Variants in CCDC178 observed in about 807,000 individuals in gnomAD.
CCDC178 encodes coiled-coil domain containing 178.
In CCDC178, 126 loss-of-function variants were observed where a neutral mutation model predicts 117.4. That is an observed-to-expected ratio of 1.07 (90% confidence interval 0.93 to 1.24). The LOEUF is 1.24. CCDC178 is among the 50% of genes most tolerant of loss of function. The pLI is 0.00. For synonymous variants in CCDC178, 283 were observed against 313.4 expected (o/e 0.90, Z 1.02); for missense variants, 1,030 against 986.9 (o/e 1.04, Z -0.59).
At chr18:33,390,606 T>A (rs947696217) in intron 4 of CCDC178, among the ~76,000 whole-genome samples, 7 of 152,018 alleles carry the variant, frequency 4.6e-5, no homozygotes, top group African/African-American at 1.4e-4. Flanking sequence ...TAATTTCATT[T>A]TTACAAGGTC....
At chr18:33,218,144 T>G (rs1171169268) in intron 18 of CCDC178, among the ~76,000 whole-genome samples, 1 of 152,060 alleles carries the variant, frequency 6.6e-6, no homozygotes, top group Non-Finnish European at 1.5e-5. Flanking sequence ...CTCTCTCTCA[T>G]GGCCCACATG....
chr18:33,267,203 G>A lies in CCDC178; in HGVS notation c.1271C>T (p.Ala424Val). 7 of 1,588,454 alleles carry A rather than the reference G, an allele frequency of 4.4e-6. No individual in the cohort carries two copies. The highest frequency in any genetic ancestry group is 6.0e-6 in the Non-Finnish European group (7 of 1,171,860). ...GGAAGTAGGAAAAAATCAACTTACTGCAGCATAAAAATCATTAACTGCTTC... is the reference window on the plus strand; with the variant it reads ...GGAAGTAGGAAAAAATCAACTTACTACAGCATAAAAATCATTAACTGCTTC... Reference protein sequence around the residue: ...YLEAVNDFYAAKKTWDIELSD... With the variant: ...YLEAVNDFYAVKKTWDIELSD... Residue 424 changes from alanine (A) to valine (V), a missense_variant and splice_region_variant, in exon 13 of 23, where the codon GCA (alanine) becomes GTA (valine). Coordinates refer to ENST00000383096, the MANE Select transcript of CCDC178 (RefSeq NM_001105528.4).
intron 11 of CCDC178, among the ~76,000 whole-genome samples, chr18:33,294,801 T>C (rs146325671): frequency 1.3e-5 from 2 of 152,316 alleles, no homozygotes; most frequent in East Asian, 1.9e-4. Flanking sequence ...GTCCAGAGAA[T>C]ACACTATGGA....
intron 2 of CCDC178, among the ~76,000 whole-genome samples, chr18:33,426,899 A>G (rs534091758): frequency 9.2e-5 from 14 of 152,268 alleles, no homozygotes; most frequent in African/African-American, 3.1e-4. Context: ...TGAGATCTTG[A>G]AAATCAAAGT....
chr18:33,029,365 C>T (rs1266827244), intron 21 of CCDC178, among the ~76,000 whole-genome samples: 1 of 151,864 alleles, frequency 6.6e-6, no homozygotes, highest in African/African-American at 2.4e-5. Flanking sequence ...AATATCACAT[C>T]TTTCATTCTT....
At chr18:33,343,079 AT>A (rs1474265086) in intron 9 of CCDC178, among the ~76,000 whole-genome samples, 2 of 152,166 alleles carry the variant, frequency 1.3e-5, no homozygotes, top group Non-Finnish European at 2.9e-5. Flanking sequence ...TCTACATACT[AT>A]TCAAATTCAT....
chr18:33,392,423 G>A (rs970621520), intron 4 of CCDC178, among the ~76,000 whole-genome samples: 2 of 152,070 alleles, frequency 1.3e-5, no homozygotes, highest in Admixed American at 6.6e-5. Context: ...ATCTTCAAAC[G>A]GATGTTCCCA....
chr18:33,161,974 G>T (rs1252656910), intron 20 of CCDC178, among the ~76,000 whole-genome samples: 1 of 152,176 alleles, frequency 6.6e-6, no homozygotes, highest in East Asian at 1.9e-4. Context: ...TCTAGTTCTA[G>T]ATCCCTGGGG....
At chr18:33,301,853 T>G (rs2062181471) in intron 11 of CCDC178, among the ~76,000 whole-genome samples, 1 of 152,190 alleles carries the variant, frequency 6.6e-6, no homozygotes, top group Non-Finnish European at 1.5e-5. Flanking sequence ...GACTTAGGAC[T>G]TTGGACTTGA....
intron 1 of CCDC178, 68 bp from the exon 2 acceptor site, chr18:33,440,149 A>T (rs531309750): frequency 1.3e-4 from 20 of 152,206 alleles, no homozygotes; most frequent in Non-Finnish European, 2.8e-4. Context: ...GAGCCACCAC[A>T]AGGCGGCCTT....
At chr18:33,127,017 C>T (rs28430526) in intron 20 of CCDC178, among the ~76,000 whole-genome samples, 14,745 of 130,048 alleles carry the variant, frequency 0.11, 1,035 homozygotes, top group African/African-American at 0.23. Flanking sequence ...TATATATATA[C>T]ACACACACAC....
chr18:33,278,206 T>A (rs2059974116), intron 12 of CCDC178, among the ~76,000 whole-genome samples: 1 of 150,380 alleles, frequency 6.6e-6, no homozygotes, highest in Admixed American at 6.7e-5. Context: ...AAATCATGAC[T>A]TTCCAATGAT....
intron 20 of CCDC178, among the ~76,000 whole-genome samples, chr18:33,149,314 G>A (rs1193958999): frequency 4.6e-5 from 7 of 152,218 alleles, no homozygotes; most frequent in Non-Finnish European, 7.3e-5. Flanking sequence ...TTTTAGCAGT[G>A]AGGAGATTAA....
chr18:33,189,871 T>C (rs1043509513), intron 20 of CCDC178, among the ~76,000 whole-genome samples: 1 of 152,130 alleles, frequency 6.6e-6, no homozygotes, highest in African/African-American at 2.4e-5. Flanking sequence ...TTGCATGCAA[T>C]TTTGAAAGCA....
chr18:33,043,681 ACT>A (rs1157042018), intron 21 of CCDC178, among the ~76,000 whole-genome samples: 1 of 151,972 alleles, frequency 6.6e-6, no homozygotes, highest in African/African-American at 2.4e-5. Flanking sequence ...GCTCCAAGAC[ACT>A]CTCATTTTAC....
At chr18:33,160,249 A>G (rs1471947723) in intron 20 of CCDC178, among the ~76,000 whole-genome samples, 1 of 152,126 alleles carries the variant, frequency 6.6e-6, no homozygotes, top group African/African-American at 2.4e-5. Context: ...ATCTTCTACG[A>G]CAGTCTTGGT....
At chr18:33,013,102 T>C (rs1222320668) in intron 21 of CCDC178, among the ~76,000 whole-genome samples, 3 of 152,194 alleles carry the variant, frequency 2.0e-5, no homozygotes, top group African/African-American at 7.2e-5. Flanking sequence ...ATTTCACTTA[T>C]AATCTCCTAA....
intron 14 of CCDC178, among the ~76,000 whole-genome samples, chr18:33,259,146 G>A (rs1475599744): frequency 6.6e-6 from 1 of 152,062 alleles, no homozygotes; most frequent in Non-Finnish European, 1.5e-5. Flanking sequence ...AACATCACAA[G>A]GCCATATTAC....
At chr18:33,035,201 G>C (rs1007588309) in intron 21 of CCDC178, among the ~76,000 whole-genome samples, 15 of 151,896 alleles carry the variant, frequency 9.9e-5, no homozygotes, top group Non-Finnish European at 1.2e-4. Context: ...CCTCTGGTTT[G>C]ACAAGAGGGT....
Sources: allele counts gnomAD v4.1 joint callset (sites outside exome capture counted in the v4.1 genomes callset), GRCh38; gene constraint gnomAD v4.1.1; transcripts MANE v1.5; gene names NCBI Gene and HGNC (gene_info 2026-07-23, HGNC 2026-07-21).